Variants in MAGI2 observed in about 807,000 individuals in gnomAD.
MAGI2 encodes membrane-associated guanylate kinase, WW and PDZ domain-containing protein 2.
In MAGI2, 35 loss-of-function variants were observed where a neutral mutation model predicts 133.3. The ratio of observed to expected loss-of-function variants is 0.26; its 90% CI spans 0.20 to 0.35. The LOEUF is 0.35. MAGI2 is among the 10% of genes least tolerant of loss of function. The pLI is 1.00. For synonymous variants in MAGI2, 729 were observed against 710.6 expected, an observed-to-expected ratio of 1.03 and a Z score of -0.41; for missense variants, 1,636 against 1,863.4, an observed-to-expected ratio of 0.88 and a Z score of 2.25.
chr7:78,472,971 C>G (rs1191191824), intron 6 of MAGI2, among the ~76,000 whole-genome samples: 1 of 152,088 alleles, frequency 6.6e-6, no homozygotes, highest in Non-Finnish European at 1.5e-5. Context: ...GGGAAGGATT[C>G]TAATTGCAGT....
intron 2 of MAGI2, among the ~76,000 whole-genome samples, chr7:78,708,146 G>A (rs970274898): frequency 6.6e-6 from 1 of 152,086 alleles, no homozygotes; most frequent in Non-Finnish European, 1.5e-5. Context: ...TGATAATTCA[G>A]TTCTTATTTA....
chr7:79,043,333 A>G (rs1228977006), intron 1 of MAGI2, among the ~76,000 whole-genome samples: 1 of 151,838 alleles, frequency 6.6e-6, no homozygotes, highest in Non-Finnish European at 1.5e-5. Flanking sequence ...TCACGAGGTC[A>G]GGGGTTTGAG....
At chr7:78,560,128 G>A (rs999244977) in intron 3 of MAGI2, among the ~76,000 whole-genome samples, 11 of 152,092 alleles carry the variant, frequency 7.2e-5, no homozygotes, top group African/African-American at 2.7e-4. Context: ...GAAGGTTGAA[G>A]TTGAGAAAAA....
intron 3 of MAGI2, among the ~76,000 whole-genome samples, chr7:78,535,668 T>C (rs1797827428): frequency 6.6e-6 from 1 of 152,130 alleles, no homozygotes; most frequent in South Asian, 2.1e-4. Context: ...AAACAGCCCT[T>C]TCCCAAAACA....
chr7:79,223,027 G>T (rs563237914), intron 1 of MAGI2, among the ~76,000 whole-genome samples: 1 of 152,126 alleles, frequency 6.6e-6, no homozygotes, highest in African/African-American at 2.4e-5. Flanking sequence ...TGGGACTACA[G>T]GCACCCGCTA....
intron 1 of MAGI2, among the ~76,000 whole-genome samples, chr7:79,166,247 A>G (rs1824894169): frequency 6.6e-6 from 1 of 152,050 alleles, no homozygotes; most frequent in Non-Finnish European, 1.5e-5. Context: ...TAGCAAAGGG[A>G]GAGTCACTCC....
intron 1 of MAGI2, among the ~76,000 whole-genome samples, chr7:79,149,255 C>A (rs4727816): frequency 0.64 from 95,306 of 150,072 alleles, 34,825 homozygotes; most frequent in Non-Finnish European, 0.83. Flanking sequence ...ACTGATCTTA[C>A]CTCTGGTTTC....
chr7:78,950,528 C>A (rs1801781369), intron 2 of MAGI2, among the ~76,000 whole-genome samples: 1 of 152,154 alleles, frequency 6.6e-6, no homozygotes, highest in Admixed American at 6.6e-5. Context: ...CATACATTTC[C>A]ATATGCCGGT....
intron 2 of MAGI2, among the ~76,000 whole-genome samples, chr7:78,957,554 T>C (rs1165642281): frequency 6.6e-6 from 1 of 152,156 alleles, no homozygotes; most frequent in Non-Finnish European, 1.5e-5. Context: ...ATGACAGTTA[T>C]AATAAGAGCT....
At chr7:78,347,256 G>C (rs1791017274) in intron 7 of MAGI2, 2 of 152,362 alleles carry the variant, frequency 1.3e-5, no homozygotes, top group Non-Finnish European at 1.5e-5. Context: ...GGAGACAGAA[G>C]CAGCAACATC....
At chr7:78,440,351 C>T (rs1173710483) in intron 6 of MAGI2, among the ~76,000 whole-genome samples, 1 of 152,036 alleles carries the variant, frequency 6.6e-6, no homozygotes, top group Non-Finnish European at 1.5e-5. Context: ...AGAATTTGAA[C>T]TCGGGCAATC....
At chr7:78,030,989 G>A (rs907172393) in intron 21 of MAGI2, among the ~76,000 whole-genome samples, 2 of 152,212 alleles carry the variant, frequency 1.3e-5, no homozygotes, top group Non-Finnish European at 2.9e-5. Flanking sequence ...ATCAACTGGT[G>A]AATGGATAAG....
chr7:78,496,052 A>G (rs2150508887), intron 5 of MAGI2, among the ~76,000 whole-genome samples: 1 of 152,272 alleles, frequency 6.6e-6, no homozygotes, highest in South Asian at 2.1e-4. Context: ...CTCTCCAATA[A>G]ATTTCCAAAG....
At chr7:79,099,573 C>A (rs1259962390) in intron 1 of MAGI2, among the ~76,000 whole-genome samples, 1 of 152,138 alleles carries the variant, frequency 6.6e-6, no homozygotes, top group Non-Finnish European at 1.5e-5. Flanking sequence ...TATTTCACCA[C>A]TCAGGTAATA....
intron 2 of MAGI2, among the ~76,000 whole-genome samples, chr7:78,711,754 G>A (rs1819213083): frequency 6.6e-6 from 1 of 152,176 alleles, no homozygotes; most frequent in Admixed American, 6.5e-5. Flanking sequence ...TCTTGTGAAA[G>A]TTTGATAGAA....
intron 2 of MAGI2, among the ~76,000 whole-genome samples, chr7:78,962,320 T>G (rs1272785035): frequency 6.6e-6 from 1 of 152,124 alleles, no homozygotes; most frequent in Non-Finnish European, 1.5e-5. Context: ...CATATTGTCA[T>G]GCTTAGTTAA....
intron 2 of MAGI2, among the ~76,000 whole-genome samples, chr7:78,712,505 A>G (rs1244853114): frequency 6.6e-6 from 1 of 152,226 alleles, no homozygotes; most frequent in African/African-American, 2.4e-5. Flanking sequence ...ACGCTGCAGT[A>G]TCTTTGCTTT....
At chr7:78,657,856 C>A (rs897007341) in intron 2 of MAGI2, among the ~76,000 whole-genome samples, 1 of 152,062 alleles carries the variant, frequency 6.6e-6, no homozygotes, top group Admixed American at 6.5e-5. Flanking sequence ...ATGTATCCCT[C>A]CAGTGGGTGA....
At chr7:78,215,598 C>T (rs185741428) in intron 10 of MAGI2, among the ~76,000 whole-genome samples, 42 of 152,230 alleles carry the variant, frequency 2.8e-4, no homozygotes, top group Admixed American at 1.2e-3. Flanking sequence ...AGATGGAAAA[C>T]GAGTCCATTC....
Sources: gnomAD v4.1 joint callset for allele counts (sites outside exome capture counted in the v4.1 genomes callset) on GRCh38, gnomAD v4.1.1 for gene constraint, MANE v1.5 for transcripts, NCBI Gene and HGNC (gene_info 2026-07-23, HGNC 2026-07-21) for gene names.